Variants in TAFA2 observed in about 807,000 individuals in gnomAD.
TAFA2 encodes the protein chemokine-like protein TAFA-2.
TAFA2 carries 7 observed loss-of-function variants against 18.8 expected under a neutral mutation model. The ratio of observed to expected loss-of-function variants is 0.37; its 90% CI spans 0.21 to 0.70. TAFA2 has a LOEUF of 0.70. TAFA2 is among the 30% of genes least tolerant of loss of function. The probability of loss-of-function intolerance (pLI) is 0.53; values close to 1 mark genes in which losing one functional copy is unlikely to be tolerated. For synonymous variants in TAFA2, 60 were observed against 54.2 expected (o/e 1.11, Z -0.47); for missense variants, 122 against 158.1 (o/e 0.77, Z 1.23).
At chr12:61,950,465 A>G (rs1878428085) in intron 1 of TAFA2, among the ~76,000 whole-genome samples, 2 of 152,140 alleles carry the variant, frequency 1.3e-5, no homozygotes. Context: ...CCTAATGTAT[A>G]TGAGGTAATA....
At chr12:61,879,098 A>C (rs968267477) in intron 1 of TAFA2, among the ~76,000 whole-genome samples, 1 of 152,220 alleles carries the variant, frequency 6.6e-6, no homozygotes, top group Non-Finnish European at 1.5e-5. Flanking sequence ...ACATAAGGAC[A>C]GAAGTTGGAG....
At chr12:62,236,261 CTTTTTTTTTTCT>C (rs1465575146) in intron 1 of TAFA2, among the ~76,000 whole-genome samples, 8 of 113,862 alleles carry the variant, frequency 7.0e-5, no homozygotes, top group East Asian at 4.0e-4. Context: ...TGTTTTTTTT[CTTTTTTTTTTCT>C]TTTTTTTTTT....
rs148802813 is a variant in TAFA2, at chr12:62,024,262, G to A, written c.-1-156836C>T. 1.9e-4 allele frequency among the ~76,000 whole-genome samples: 29 copies of A among 152,158 alleles called. No homozygotes were observed. The East Asian group carries it at 4.6e-3, about 24-fold the overall frequency. On this transcript the variant is annotated intron_variant, in intron 1 of 4. Transcript: ENST00000416284. ...GAAATAGAGTGCCCCAAAATCCACCGTATAAGTAACCTGACTGTAGTATAT... is the reference window on the plus strand; with the variant it reads ...GAAATAGAGTGCCCCAAAATCCACCATATAAGTAACCTGACTGTAGTATAT...
intron 1 of TAFA2, among the ~76,000 whole-genome samples, chr12:62,217,719 CAGCTCTCCCATG>C (rs2062741560): frequency 6.6e-6 from 1 of 152,208 alleles, no homozygotes; most frequent in African/African-American, 2.4e-5. Flanking sequence ...CATCACAGCT[CAGCTCTCCCATG>C]AATATTCTTA....
In TAFA2 at chr12:62,015,697, G is replaced by A. The variant is rs139761606; in HGVS notation, c.-1-148271C>T. 3.5e-4 allele frequency among the ~76,000 whole-genome samples: 53 copies of A among 152,274 alleles called. No homozygotes were observed. The East Asian group carries it at 6.9e-3, about 20-fold the overall frequency. On this transcript the variant is annotated intron_variant, in intron 1 of 4. Coordinates refer to ENST00000416284, the MANE Select transcript of TAFA2 (RefSeq NM_178539.5). Reference sequence around the variant, plus strand: ...GTACACTATTTATTGCAAGACAATTGCATTAAGTTCACATCCTCACATAGA... The same window carrying A: ...GTACACTATTTATTGCAAGACAATTACATTAAGTTCACATCCTCACATAGA...
chr12:61,788,619 G>C lies in TAFA2; in HGVS notation c.107-33595C>G, dbSNP rs187720023. Among the ~76,000 whole-genome samples, 8 of 151,360 alleles carry C rather than the reference G, an allele frequency of 5.3e-5. No homozygotes were observed. The East Asian group carries it at 1.2e-3, about 22-fold the overall frequency. On this transcript the variant is annotated intron_variant, in intron 2 of 4. Coordinates refer to ENST00000416284, the MANE Select transcript of TAFA2 (RefSeq NM_178539.5). ...AAAACATCAACGGAATAAAGAACTG[G>C]GTTTTTAAAAAGATAAACAAAATTT...
intron 2 of TAFA2, among the ~76,000 whole-genome samples, chr12:61,858,211 T>A (rs1873967766): frequency 6.6e-6 from 1 of 152,210 alleles, no homozygotes; most frequent in Non-Finnish European, 1.5e-5. Context: ...CAGGAACAGC[T>A]TTCTGAAGCT....
intron 1 of TAFA2, among the ~76,000 whole-genome samples, chr12:61,883,989 TG>T (rs1235449544): frequency 1.3e-5 from 2 of 152,176 alleles, no homozygotes; most frequent in East Asian, 3.8e-4. Context: ...CCTCAATAAA[TG>T]TTGAACCCTG....
intron 1 of TAFA2, among the ~76,000 whole-genome samples, chr12:61,924,037 GAA>G (rs34163308): frequency 6.9e-6 from 1 of 145,060 alleles, no homozygotes; most frequent in African/African-American, 2.5e-5. Flanking sequence ...AGATTAGAGA[GAA>G]AAAAAAAAGA....
intron 2 of TAFA2, among the ~76,000 whole-genome samples, chr12:61,824,664 C>A (rs1346690647): frequency 6.6e-6 from 1 of 152,064 alleles, no homozygotes; most frequent in Non-Finnish European, 1.5e-5. Flanking sequence ...GTTCTTTGGC[C>A]ATTCCTTGCA....
intron 1 of TAFA2, among the ~76,000 whole-genome samples, chr12:61,868,190 C>T (rs1874439392): frequency 6.6e-6 from 1 of 152,148 alleles, no homozygotes; most frequent in South Asian, 2.1e-4. Flanking sequence ...CTACAGCATT[C>T]TTTCATTTGT....
chr12:62,133,337 T>A (rs1870764694), intron 1 of TAFA2, among the ~76,000 whole-genome samples: 1 of 152,010 alleles, frequency 6.6e-6, no homozygotes, highest in Admixed American at 6.6e-5. Context: ...AGCATGTCAG[T>A]GTGAGTATTT....
intron 2 of TAFA2, among the ~76,000 whole-genome samples, chr12:61,813,990 A>C (rs1473863824): frequency 1.3e-5 from 2 of 151,536 alleles, no homozygotes; most frequent in African/African-American, 4.9e-5. Context: ...GAGCACATCA[A>C]TATAGTAACA....
intron 1 of TAFA2, among the ~76,000 whole-genome samples, chr12:62,133,547 A>G (rs994820154): frequency 1.3e-5 from 2 of 152,044 alleles, no homozygotes; most frequent in Non-Finnish European, 2.9e-5. Context: ...CAGAAACCTT[A>G]TCTCCATTAT....
In TAFA2 at chr12:61,902,133, G is replaced by A. The variant is rs1434810094; in HGVS notation, c.-1-34707C>T. Reference sequence around the variant, plus strand: ...AAAAAACCTGTATCTTTCTGGTATGGTACTATAGGAATCCAGCCTCTTGGT... The same window carrying A: ...AAAAAACCTGTATCTTTCTGGTATGATACTATAGGAATCCAGCCTCTTGGT... On this transcript the variant is annotated intron_variant, in intron 1 of 4. Transcript: ENST00000416284. Among the ~76,000 whole-genome samples, 3 of 147,976 alleles carry A rather than the reference G, an allele frequency of 2.0e-5. No individual in the cohort carries two copies. The South Asian group carries it at 6.3e-4, about 31-fold the overall frequency.
At chr12:62,198,035 T>C (rs1273594522) in intron 1 of TAFA2, among the ~76,000 whole-genome samples, 1 of 152,244 alleles carries the variant, frequency 6.6e-6, no homozygotes, top group African/African-American at 2.4e-5. Flanking sequence ...TTTTCTAAAG[T>C]GTCTGTGCCA....
chr12:62,077,135 T>C (rs1271102544), intron 1 of TAFA2, among the ~76,000 whole-genome samples: 1 of 152,232 alleles, frequency 6.6e-6, no homozygotes, highest in Non-Finnish European at 1.5e-5. Flanking sequence ...ATTAAAGTCA[T>C]TAATTACCAA....
At chr12:62,025,794 C>G (rs1031421799) in intron 1 of TAFA2, among the ~76,000 whole-genome samples, 1 of 152,064 alleles carries the variant, frequency 6.6e-6, no homozygotes, top group Non-Finnish European at 1.5e-5. Flanking sequence ...TGTATTCTAG[C>G]TCTGATTTTT....
chr12:62,189,203 T>A (rs1313136800), intron 1 of TAFA2, among the ~76,000 whole-genome samples: 1 of 151,792 alleles, frequency 6.6e-6, no homozygotes, highest in African/African-American at 2.4e-5. Flanking sequence ...AAAAAAAAAA[T>A]GCCTAATCTG....
Sources: gnomAD v4.1 joint callset for allele counts (sites outside exome capture counted in the v4.1 genomes callset) on GRCh38, gnomAD v4.1.1 for gene constraint, MANE v1.5 for transcripts, NCBI Gene and HGNC (gene_info 2026-07-23, HGNC 2026-07-21) for gene names.